The following GUCY1A2 variants were observed in gnomAD, a reference collection of about 807,000 sequenced individuals.
GUCY1A2 encodes the protein guanylate cyclase 1 soluble subunit alpha 2.
A neutral mutation model predicts 63.5 loss-of-function variants in GUCY1A2; 27 were observed. That is an observed-to-expected ratio of 0.43 (90% CI 0.31 to 0.59). The LOEUF (loss-of-function observed/expected upper bound fraction) is 0.59, where lower values mean the gene tolerates loss of function less well. Ranked by LOEUF, GUCY1A2 falls within the 20% of genes least tolerant of loss-of-function variation. GUCY1A2 has a pLI of 0.11. For missense variants in GUCY1A2, 768 were observed against 913.3 expected (o/e 0.84, Z 2.05); for synonymous variants, 364 against 343.5 (o/e 1.06, Z -0.66).
At position 106,710,126 on chromosome 11, in the gene GUCY1A2, AG is replaced by A. The variant is rs1244342741; in HGVS notation, c.1837-1461del. Among the ~76,000 whole-genome samples the A allele has an allele frequency of 1.1e-3, 117 of 111,214 alleles. 1 individual carries two copies. Among genetic ancestry groups the A allele is most frequent in the Non-Finnish European group, 1.8e-3 (108 of 59,902 alleles). The allele number at this position is 111,214 out of a possible 152,430, so 73.0% of individuals were successfully genotyped here. On this transcript the variant is annotated intron_variant, in intron 6 of 7. Coordinates refer to ENST00000526355, the MANE Select transcript of GUCY1A2 (RefSeq NM_000855.3). ...TATATTATATACATGTATATAATAT[AG>A]TTATATATATAATATATAGTTATAT...
rs564987146 is a variant in GUCY1A2 at position 106,981,776 on chromosome 11, T to C, written c.366-3036A>G. On this transcript the variant is annotated intron_variant, in intron 2 of 7. Transcript: ENST00000526355. ...AAATCAACGAAAAAGATGTTCTCTG[T>C]GAGAAGAAAACTGCAGTTAGAACAC... 2.0e-5 allele frequency among the ~76,000 whole-genome samples: 3 copies of C among 150,400 alleles called. No homozygotes were observed. In the South Asian group the frequency reaches 6.3e-4, roughly 32 times the overall value.
At chr11:106,909,579 A>C (rs1860264309) in intron 4 of GUCY1A2, among the ~76,000 whole-genome samples, 1 of 151,810 alleles carries the variant, frequency 6.6e-6, no homozygotes, top group Admixed American at 6.6e-5. Context: ...TTTTAATTTA[A>C]AAAATGTTAT....
At chr11:106,784,244 A>C (rs1347984514) in intron 5 of GUCY1A2, among the ~76,000 whole-genome samples, 1 of 152,128 alleles carries the variant, frequency 6.6e-6, no homozygotes, top group Non-Finnish European at 1.5e-5. Flanking sequence ...CCAACTCAAC[A>C]TACCAGCTAT....
rs964568916 is a variant in GUCY1A2 at position 106,939,714 on chromosome 11, T to G, written c.952A>C (p.Ile318Leu). 2 of 1,613,894 alleles carry G rather than the reference T, an allele frequency of 1.2e-6. No individual in the cohort carries two copies. Among genetic ancestry groups the G allele is most frequent in the Non-Finnish European group, 1.7e-6 (2 of 1,179,790 alleles). Residue 318 changes from isoleucine (I) to leucine (L), a missense_variant, in exon 4 of 8, where the codon ATT (isoleucine) becomes CTT (leucine). Around this residue, in one of 3 missense-constraint regions of GUCY1A2, gnomAD observed 496 missense variants for 486.9 expected, o/e 1.02. Coordinates refer to ENST00000526355, the MANE Select transcript of GUCY1A2 (RefSeq NM_000855.3). ...GTSQVPADLR[I>L]SINTFCRAFP... The stretch of plus-strand genomic sequence containing the variant: ...GCTCTACAGAAGGTGTTGATGCTAA[T>G]TCTGAGGTCCGCAGGAACTTGGGAG...
intron 5 of GUCY1A2, among the ~76,000 whole-genome samples, chr11:106,800,966 C>A (rs1232848186): frequency 1.3e-5 from 2 of 151,844 alleles, no homozygotes; most frequent in East Asian, 3.9e-4. Context: ...TGTGGCATAT[C>A]ACTCCTGTGA....
intron 4 of GUCY1A2, among the ~76,000 whole-genome samples, chr11:106,906,744 T>C (rs192354799): frequency 6.6e-6 from 1 of 152,296 alleles, no homozygotes; most frequent in Non-Finnish European, 1.5e-5. Flanking sequence ...CACCATGGAA[T>C]ACTATGCAGC....
intron 4 of GUCY1A2, among the ~76,000 whole-genome samples, chr11:106,897,405 G>C (rs1367485380): frequency 1.3e-5 from 2 of 151,930 alleles, no homozygotes; most frequent in Non-Finnish European, 2.9e-5. Flanking sequence ...TATTGAAGGA[G>C]AAAAATAAAG....
intron 4 of GUCY1A2, among the ~76,000 whole-genome samples, chr11:106,838,842 ATTTG>A (rs1429826938): frequency 2.0e-5 from 3 of 151,788 alleles, no homozygotes; most frequent in African/African-American, 4.8e-5. Context: ...TTTCTTGTAA[ATTTG>A]TTTGAGTACT....
At chr11:106,872,022 T>A (rs556283532) in intron 4 of GUCY1A2, among the ~76,000 whole-genome samples, 1 of 152,216 alleles carries the variant, frequency 6.6e-6, no homozygotes, top group East Asian at 1.9e-4. Flanking sequence ...TACATTTTTA[T>A]CAAAAGTTAG....
At chr11:106,709,445 ATATATT>A (rs1863003445) in intron 6 of GUCY1A2, among the ~76,000 whole-genome samples, 8 of 97,558 alleles carry the variant, frequency 8.2e-5, no homozygotes, top group Admixed American at 4.9e-4. Context: ...ATATAATAAT[ATATATT>A]CTATATTTAT....
intron 6 of GUCY1A2, among the ~76,000 whole-genome samples, chr11:106,767,078 A>C (rs1864177174): frequency 6.6e-6 from 1 of 152,116 alleles, no homozygotes; most frequent in African/African-American, 2.4e-5. Flanking sequence ...TATAACTTTT[A>C]GCCTCTTCTA....
At chr11:106,913,986 C>CAAA (rs11325847) in intron 4 of GUCY1A2, among the ~76,000 whole-genome samples, 6 of 71,256 alleles carry the variant, frequency 8.4e-5, no homozygotes, top group Admixed American at 1.6e-4. Flanking sequence ...AATGAAAAAG[C>CAAA]AAAAAAAAAA....
intron 4 of GUCY1A2, among the ~76,000 whole-genome samples, chr11:106,870,794 T>C (rs1419430701): frequency 6.6e-6 from 1 of 152,164 alleles, no homozygotes; most frequent in Non-Finnish European, 1.5e-5. Flanking sequence ...CAAGGTTCTT[T>C]CATTCTTTTG....
chr11:106,970,124 TAACTC>T (rs773370496), intron 3 of GUCY1A2, among the ~76,000 whole-genome samples: 5 of 152,286 alleles, frequency 3.3e-5, no homozygotes, highest in Admixed American at 6.5e-5. Flanking sequence ...AAAGGAATCT[TAACTC>T]AGGCAAGCTG....
At chr11:106,891,783 T>C (rs1364452957) in intron 4 of GUCY1A2, among the ~76,000 whole-genome samples, 1 of 152,134 alleles carries the variant, frequency 6.6e-6, no homozygotes, top group African/African-American at 2.4e-5. Flanking sequence ...ATTATGCCAA[T>C]ACCATACTGT....
intron 1 of GUCY1A2, among the ~76,000 whole-genome samples, chr11:106,989,037 C>T (rs1473789688): frequency 6.6e-6 from 1 of 152,162 alleles, no homozygotes; most frequent in African/African-American, 2.4e-5. Flanking sequence ...TCCATGTATG[C>T]CAGTGATGCA....
At chr11:106,991,153 CTTT>C (rs57771903) in intron 1 of GUCY1A2, among the ~76,000 whole-genome samples, 1 of 146,832 alleles carries the variant, frequency 6.8e-6, no homozygotes, top group Non-Finnish European at 1.5e-5. Flanking sequence ...CCATGCCCGG[CTTT>C]TTTTTTTTCT....
chr11:106,953,458 A>T (rs1591341399), intron 3 of GUCY1A2, among the ~76,000 whole-genome samples: 1 of 152,182 alleles, frequency 6.6e-6, no homozygotes, highest in East Asian at 1.9e-4. Flanking sequence ...ATCGATGTTC[A>T]TCAGGGATAT....
intron 4 of GUCY1A2, among the ~76,000 whole-genome samples, chr11:106,938,737 C>A (rs1191199286): frequency 6.6e-6 from 1 of 152,092 alleles, no homozygotes; most frequent in Non-Finnish European, 1.5e-5. Context: ...ACCTGAGGGA[C>A]AAAATGTTCA....
Sources: gnomAD v4.1 joint callset for allele counts (sites outside exome capture counted in the v4.1 genomes callset) on GRCh38, gnomAD v4.1.1 for gene constraint, gnomAD v4.1.1 regional missense constraint, MANE v1.5 for transcripts, NCBI Gene and HGNC (gene_info 2026-07-23, HGNC 2026-07-21) for gene names.